Variants in ADGRV1 observed in about 807,000 individuals in gnomAD.
ADGRV1 encodes adhesion G protein-coupled receptor V1.
ADGRV1 carries 359 observed loss-of-function variants against 596.2 expected under a neutral mutation model. That is an observed-to-expected ratio of 0.60 (90% confidence interval 0.55 to 0.66). The LOEUF is 0.66. ADGRV1 is among the 30% of genes least tolerant of loss of function. The pLI, the probability that ADGRV1 is intolerant of heterozygous loss-of-function variation, is 0.00. For synonymous variants in ADGRV1, 2,681 were observed against 2,679.2 expected (o/e 1.00, Z -0.02); for missense variants, 7,274 against 7,575.6 (o/e 0.96, Z 1.48).
intron 83 of ADGRV1, among the ~76,000 whole-genome samples, chr5:90,869,561 G>A (rs751407457): frequency 1.3e-5 from 2 of 152,118 alleles, no homozygotes; most frequent in African/African-American, 2.4e-5. Context: ...ACCATCATCC[G>A]ATTAGGATGG....
In ADGRV1 at chr5:90,610,504, CTTA is replaced by C. The variant is rs372882859; in HGVS notation, c.23-4327_23-4325del. On this transcript the variant is annotated intron_variant, in intron 1 of 89. Transcript: ENST00000405460. ...AGACATCCTTAGTTTGTCTAAGTGT[CTTA>C]TTAGTCATTACCAGTTTTGAGGTGG... 3.9e-4 allele frequency among the ~76,000 whole-genome samples: 60 copies of C among 151,966 alleles called. No individual in the cohort carries two copies. In the South Asian group the frequency reaches 0.012, roughly 30 times the overall value.
chr5:91,120,224 A>G (rs895601965), intron 87 of ADGRV1, among the ~76,000 whole-genome samples: 2 of 152,204 alleles, frequency 1.3e-5, no homozygotes, highest in African/African-American at 2.4e-5. Context: ...GGCAACAGCT[A>G]TGTGGCTTCG....
At chr5:90,851,809 A>G (rs1317566589) in intron 79 of ADGRV1, among the ~76,000 whole-genome samples, 1 of 152,224 alleles carries the variant, frequency 6.6e-6, no homozygotes, top group Non-Finnish European at 1.5e-5. Flanking sequence ...TTATGCTTGC[A>G]TCAAGCTTAG....
chr5:90,918,303 C>T (rs1040361471), intron 83 of ADGRV1, among the ~76,000 whole-genome samples: 1 of 152,172 alleles, frequency 6.6e-6, no homozygotes, highest in Non-Finnish European at 1.5e-5. Flanking sequence ...TGACGGACCA[C>T]ATCTACTAGA....
intron 67 of ADGRV1, 149 bp downstream of exon 67, chr5:90,784,206 G>T (rs1030659698): frequency 3.4e-6 from 2 of 588,610 alleles, no homozygotes; most frequent in Non-Finnish European, 5.8e-6. Flanking sequence ...TTTTGAGCCA[G>T]ATTAAGTACA....
At chr5:90,893,704 T>C (rs1467542613) in intron 83 of ADGRV1, among the ~76,000 whole-genome samples, 1 of 152,256 alleles carries the variant, frequency 6.6e-6, no homozygotes, top group Non-Finnish European at 1.5e-5. Context: ...ACCATCTTTA[T>C]AGGTTAAACC....
At chr5:91,152,396 T>G (rs1367691099) in intron 88 of ADGRV1, among the ~76,000 whole-genome samples, 1 of 152,196 alleles carries the variant, frequency 6.6e-6, no homozygotes, top group Non-Finnish European at 1.5e-5. Context: ...TAAAATCCTA[T>G]GTGGCATTTT....
intron 10 of ADGRV1, among the ~76,000 whole-genome samples, chr5:90,636,598 C>T (rs944805110): frequency 4.6e-5 from 7 of 152,266 alleles, no homozygotes; most frequent in African/African-American, 1.7e-4. Flanking sequence ...CTTGGACCTG[C>T]ATTCTTCCCT....
intron 70 of ADGRV1, chr5:90,791,573 A>G (rs994667926): frequency 3.9e-6 from 2 of 512,924 alleles, no homozygotes; most frequent in Non-Finnish European, 6.9e-6. Context: ...AGTAACAGAC[A>G]CTTATTTAAT....
intron 83 of ADGRV1, among the ~76,000 whole-genome samples, chr5:90,940,011 G>C (rs1776036206): frequency 6.6e-6 from 1 of 152,138 alleles, no homozygotes; most frequent in South Asian, 2.1e-4. Context: ...GAAATAACGT[G>C]TTTTCTCAAG....
intron 1 of ADGRV1, among the ~76,000 whole-genome samples, chr5:90,594,757 T>C (rs1181662405): frequency 1.3e-5 from 2 of 150,588 alleles, no homozygotes; most frequent in East Asian, 1.9e-4. Context: ...TCCATTTAAC[T>C]CTGAGTGGAC....
At chr5:90,998,619 A>C (rs142318756) in intron 85 of ADGRV1, among the ~76,000 whole-genome samples, 1 of 152,146 alleles carries the variant, frequency 6.6e-6, no homozygotes, top group Admixed American at 6.5e-5. Flanking sequence ...TTGTACACTT[A>C]TGTTAATATT....
At chr5:90,851,463 A>G (rs1766519774) in intron 79 of ADGRV1, among the ~76,000 whole-genome samples, 2 of 152,180 alleles carry the variant, frequency 1.3e-5, no homozygotes, top group African/African-American at 4.8e-5. Context: ...TTATTTATAC[A>G]TTGTCTTGAG....
chr5:91,152,569 G>A (rs1796149712), intron 88 of ADGRV1, among the ~76,000 whole-genome samples: 1 of 152,184 alleles, frequency 6.6e-6, no homozygotes, highest in Non-Finnish European at 1.5e-5. Context: ...TAGAGACATG[G>A]TTTAGAATCA....
At chr5:90,865,332 C>A (rs1767987630) in intron 83 of ADGRV1, among the ~76,000 whole-genome samples, 2 of 152,120 alleles carry the variant, frequency 1.3e-5, no homozygotes, top group South Asian at 4.1e-4. Context: ...TTATTCACCA[C>A]CCACTCTGGT....
At position 90,816,780 on chromosome 5, in the gene ADGRV1, A is replaced by G. The variant is rs376035383; in HGVS notation, c.16196+1044A>G. Among the ~76,000 whole-genome samples the G allele has an allele frequency of 1.9e-4, 29 of 151,714 alleles. No homozygotes were observed. The East Asian group carries it at 2.7e-3, about 14-fold the overall frequency. On this transcript the variant is annotated intron_variant, in intron 75 of 89. Coordinates refer to ENST00000405460, the MANE Select transcript of ADGRV1 (RefSeq NM_032119.4). The stretch of plus-strand genomic sequence containing the variant: ...GGCTGCATAGTATTCCATGGTGTAT[A>G]TGTGCCACATTTTCTTAATCCAGTC...
At chr5:91,031,016 G>A in intron 85 of ADGRV1, 1 of 1,494,590 alleles carries the variant, frequency 6.7e-7, no homozygotes, top group Non-Finnish European at 9.0e-7. Context: ...CTGCTGATCT[G>A]ATTAGAAACC....
intron 29 of ADGRV1, among the ~76,000 whole-genome samples, chr5:90,688,501 G>A (rs1397703318): frequency 6.6e-5 from 10 of 152,204 alleles, no homozygotes; most frequent in Non-Finnish European, 1.0e-4. Flanking sequence ...GACTACAAGC[G>A]TGTGCCACCA....
intron 85 of ADGRV1, among the ~76,000 whole-genome samples, chr5:90,990,034 T>C (rs1191952561): frequency 1.3e-5 from 2 of 152,144 alleles, no homozygotes; most frequent in African/African-American, 4.8e-5. Context: ...GTCAGGCTGG[T>C]CTCGAACTCC....
Sources: allele counts gnomAD v4.1 joint callset (sites outside exome capture counted in the v4.1 genomes callset), GRCh38; gene constraint gnomAD v4.1.1; transcripts MANE v1.5; gene names NCBI Gene and HGNC (gene_info 2026-07-23, HGNC 2026-07-21).